EXD1: variants seen among roughly 807,000 people sequenced by gnomAD.
The protein encoded by EXD1 is piRNA biogenesis protein EXD1.
In EXD1, 63 loss-of-function variants were observed where a neutral mutation model predicts 49.1. The ratio of observed to expected loss-of-function variants is 1.28; its 90% confidence interval spans 1.05 to 1.58. The LOEUF (loss-of-function observed/expected upper bound fraction) is 1.58. Ranked by LOEUF, EXD1 falls within the 40% of genes most tolerant of loss-of-function variation. EXD1 has a pLI of 0.00. For missense variants in EXD1, 748 were observed against 666.0 expected, an observed-to-expected ratio of 1.12 and a Z score of -1.36; for synonymous variants, 234 against 239.2, an observed-to-expected ratio of 0.98 and a Z score of 0.20.
intron 11 of EXD1, among the ~76,000 whole-genome samples, chr15:41,186,882 C>CTTTT (rs774036405): frequency 7.5e-6 from 1 of 133,542 alleles, no homozygotes. Flanking sequence ...TCAAGCGATT[C>CTTTT]TTTTTTTTTT....
intron 7 of EXD1, among the ~76,000 whole-genome samples, chr15:41,204,995 A>G (rs904190932): frequency 3.3e-5 from 5 of 152,126 alleles, no homozygotes; most frequent in Non-Finnish European, 7.3e-5. Context: ...GTCTATTAAC[A>G]TTAGATCATA....
At chr15:41,227,395 C>T (rs1023608233) in intron 1 of EXD1, among the ~76,000 whole-genome samples, 1 of 152,108 alleles carries the variant, frequency 6.6e-6, no homozygotes, top group East Asian at 1.9e-4. Context: ...ATTGGCCGGG[C>T]GCAGTGGCTC....
At chr15:41,217,256 T>C in intron 3 of EXD1, 102 bp from the exon 4 acceptor site, 1 of 925,638 alleles carries the variant, frequency 1.1e-6, no homozygotes, top group South Asian at 1.5e-5. Context: ...CTGCAAACAA[T>C]AATTGGAAAT....
intron 11 of EXD1, among the ~76,000 whole-genome samples, chr15:41,188,134 T>G (rs2046445009): frequency 6.6e-6 from 1 of 151,974 alleles, no homozygotes; most frequent in Admixed American, 6.6e-5. Flanking sequence ...ACAGCAAATA[T>G]TTTAGGCTTT....
chr15:41,213,501 T>TTTTTGTTTTGTTTTG (rs371124639), intron 6 of EXD1, among the ~76,000 whole-genome samples: 5,292 of 150,408 alleles, frequency 0.035, 346 homozygotes, highest in African/African-American at 0.12. Flanking sequence ...GTCCAGCCAG[T>TTTTTGTTTTGTTTTG]TTTTGTTTTG....
Position 41,192,627 on chromosome 15 carries a change from TTTTTTG to T in EXD1, c.721-1048_721-1043del, listed in dbSNP as rs1452120661. Among the ~76,000 whole-genome samples, 4 of 118,362 alleles carry T rather than the reference TTTTTTG, an allele frequency of 3.4e-5. No individual in the cohort carries two copies. The East Asian group carries it at 9.7e-4, about 29-fold the overall frequency. 77.7% of individuals were successfully genotyped at this position (118,362 alleles called of 152,430 possible). A position where few individuals can be genotyped will look rare whatever the true frequency, so the allele number is the denominator to read the frequency against. ...TTTTTTTTTTTTTTTTTTTTTTTTTTTTTTTGAGATAGGGTCTTGCTCTATCTCCCA... is the reference window on the plus strand; with the variant it reads ...TTTTTTTTTTTTTTTTTTTTTTTTTTAGATAGGGTCTTGCTCTATCTCCCA... On this transcript the variant is annotated intron_variant, in intron 9 of 11. Transcript: ENST00000458580.
chr15:41,199,812 C>G (rs1186833664), intron 7 of EXD1, among the ~76,000 whole-genome samples: 1 of 6,146 alleles, frequency 1.6e-4, no homozygotes, highest in Non-Finnish European at 1.2e-3. Flanking sequence ...TTATATATGT[C>G]ATATATAGAT....
intron 9 of EXD1, 96 bp from the exon 10 acceptor site, chr15:41,191,681 T>C (rs895956024): frequency 2.4e-6 from 3 of 1,230,800 alleles, no homozygotes; most frequent in Non-Finnish European, 1.1e-6. Context: ...AAATAACATT[T>C]TCCCCAAGGA....
chr15:41,220,622 T>G (rs1233063509), intron 2 of EXD1, among the ~76,000 whole-genome samples: 1 of 152,086 alleles, frequency 6.6e-6, no homozygotes, highest in African/African-American at 2.4e-5. Flanking sequence ...TCAAAAGTAC[T>G]ATCAAGGACA....
rs16971598 is a variant in EXD1 at position 41,190,033 on chromosome 15, T to C, written c.960A>G (p.Ala320=). 65,843 of 1,613,722 alleles carry C rather than the reference T, an allele frequency of 0.041. 1,712 individuals are homozygous for C. Among genetic ancestry groups the C allele is most frequent in the Non-Finnish European group, 0.045 (53,103 of 1,179,940 alleles). ...EATYLLPLRL[A]LLDEMMSDLT... ...GGTCAGACATCATCTCATCTAGGAG[T>C]GCCAAGCGAAGGGGTAACAGGTAGG... The change falls in exon 11 of 12, where the codon GCA becomes GCG. Residue 320 remains alanine (A), a synonymous_variant. Transcript: ENST00000458580.
chr15:41,194,240 T>C (rs971108414), intron 9 of EXD1, among the ~76,000 whole-genome samples: 5 of 152,104 alleles, frequency 3.3e-5, no homozygotes, highest in African/African-American at 1.2e-4. Context: ...CTCAATCTCC[T>C]GAACTCGTGA....
Position 41,230,694 on chromosome 15 carries a change from C to A in EXD1, c.-269G>T. ...ACAGGCTGAAAACCTGGAGAAAGGT[C>A]CGCGACGCCGGGGACACACGCCGCA... On this transcript the variant is annotated 5_prime_UTR_variant, in exon 1 of 12. Coordinates refer to ENST00000458580, the MANE Select transcript of EXD1 (RefSeq NM_001286441.2). 1.3e-6 allele frequency: 1 copy of A among 795,868 alleles called. No homozygotes were observed. Among genetic ancestry groups the A allele is most frequent in the Non-Finnish European group, 2.0e-6 (1 of 512,044 alleles). The allele number at this position is 795,868 out of a possible 1,614,324, so 49.3% of individuals were successfully genotyped here.
chr15:41,206,618 C>CTTTTTT (rs764744329), intron 7 of EXD1, among the ~76,000 whole-genome samples: 11 of 101,188 alleles, frequency 1.1e-4, no homozygotes, highest in East Asian at 6.1e-4. Flanking sequence ...TTATTCAATT[C>CTTTTTT]TTTTTTTTTT....
At position 41,203,876 on chromosome 15, in the gene EXD1, C is replaced by T. The variant is rs191281239; in HGVS notation, c.534+5625G>A. Reference sequence around the variant, plus strand: ...AGGCTGCAGTGAGCCAAGATCGTGCCATTGCACTCCAGCCTGGGCAAAAGA... The same window carrying T: ...AGGCTGCAGTGAGCCAAGATCGTGCTATTGCACTCCAGCCTGGGCAAAAGA... On this transcript the variant is annotated intron_variant, in intron 7 of 11. Coordinates refer to ENST00000458580, the MANE Select transcript of EXD1 (RefSeq NM_001286441.2). Among the ~76,000 whole-genome samples, 222 of 125,452 alleles carry T rather than the reference C, an allele frequency of 1.8e-3. 1 individual carries two copies. The highest frequency in any genetic ancestry group is 6.8e-3 in the African/African-American group (216 of 31,882). 82.3% of individuals were successfully genotyped at this position (125,452 alleles called of 152,430 possible).
chr15:41,227,356 C>A (rs1249967862), intron 1 of EXD1, among the ~76,000 whole-genome samples: 1 of 152,072 alleles, frequency 6.6e-6, no homozygotes, highest in Non-Finnish European at 1.5e-5. Context: ...GACAGTTCTA[C>A]GCTAAAGGTA....
At chr15:41,213,549 A>T (rs1458428195) in intron 6 of EXD1, among the ~76,000 whole-genome samples, 1 of 117,060 alleles carries the variant, frequency 8.5e-6, no homozygotes, top group African/African-American at 4.7e-5. Flanking sequence ...ACAGAGTCTC[A>T]CTCTTTCCCA....
chr15:41,213,297 G>T (rs2046950154), intron 6 of EXD1, among the ~76,000 whole-genome samples: 1 of 151,228 alleles, frequency 6.6e-6, no homozygotes, highest in South Asian at 2.1e-4. Flanking sequence ...TGCCTCCTGG[G>T]TTCAAGCAAT....
rs376288872 is a variant in EXD1, at chr15:41,221,830, C to T, written c.134-1932G>A. 5.7e-4 allele frequency among the ~76,000 whole-genome samples: 87 copies of T among 152,060 alleles called. No individual in the cohort carries two copies. The East Asian group carries it at 0.011, about 20-fold the overall frequency. ...AGAACAGACTTACTAAGGCCAAGCG[C>T]GGTGGTTCACGCCTGTAATTCCAGC... On this transcript the variant is annotated intron_variant, in intron 2 of 11. Coordinates refer to ENST00000458580, the MANE Select transcript of EXD1 (RefSeq NM_001286441.2).
intron 1 of EXD1, 29 bp downstream of exon 1, chr15:41,230,450 A>G: frequency 6.2e-7 from 1 of 1,604,934 alleles, no homozygotes; most frequent in Non-Finnish European, 8.5e-7. Context: ...TTTTAAGACA[A>G]AATAAGGAAC....
Sources: allele counts gnomAD v4.1 joint callset (sites outside exome capture counted in the v4.1 genomes callset), GRCh38; gene constraint gnomAD v4.1.1; transcripts MANE v1.5; gene names NCBI Gene and HGNC (gene_info 2026-07-23, HGNC 2026-07-21).